The following DENND5B variants were observed in gnomAD, a reference collection of about 807,000 sequenced individuals.
The protein encoded by DENND5B is DENN domain containing 5B, also known as DENN domain-containing protein 5B.
In DENND5B, 34 loss-of-function variants were observed where a neutral mutation model predicts 140.6. The ratio of observed to expected loss-of-function variants is 0.24; its 90% CI spans 0.18 to 0.32. DENND5B has a LOEUF of 0.32. Among genes scored for constraint, DENND5B ranks in the 10% least tolerant of loss-of-function variants. The pLI, the probability that DENND5B is intolerant of heterozygous loss-of-function variation, is 1.00. For synonymous variants in DENND5B, 551 were observed against 562.1 expected, an observed-to-expected ratio of 0.98 and a Z score of 0.28; for missense variants, 1,142 against 1,560.2, an observed-to-expected ratio of 0.73 and a Z score of 4.52.
rs998118129 is a variant in DENND5B, at chr12:31,529,753, C to A, written c.128-33834G>T. Among the ~76,000 whole-genome samples the A allele has an allele frequency of 9.4e-4, 141 of 150,790 alleles. 1 individual carries two copies. Among genetic ancestry groups the A allele is most frequent in the South Asian group, 4.6e-3 (22 of 4,742 alleles). On this transcript the variant is annotated intron_variant, in intron 1 of 20. Transcript: ENST00000389082. Reference sequence around the variant, plus strand: ...AAATAATTTTTTTTAAAAAAGAAAACATCCTTTAAAAAATGCCCAACACAA... The same window carrying A: ...AAATAATTTTTTTTAAAAAAGAAAAAATCCTTTAAAAAATGCCCAACACAA...
At chr12:31,391,423 C>T (rs773626773) in intron 19 of DENND5B, among the ~76,000 whole-genome samples, 1 of 152,192 alleles carries the variant, frequency 6.6e-6, no homozygotes, top group Non-Finnish European at 1.5e-5. Context: ...CTATTTCTTT[C>T]CAGATCAATG....
intron 4 of DENND5B, among the ~76,000 whole-genome samples, chr12:31,457,198 GA>G (rs1263677679): frequency 3.9e-5 from 6 of 152,214 alleles, no homozygotes; most frequent in Non-Finnish European, 8.8e-5. Flanking sequence ...CTGTGAAGAT[GA>G]GTAAGAACAG....
At chr12:31,558,439 T>C (rs911541537) in intron 1 of DENND5B, among the ~76,000 whole-genome samples, 1 of 152,194 alleles carries the variant, frequency 6.6e-6, no homozygotes, top group Non-Finnish European at 1.5e-5. Flanking sequence ...TACAGAAACA[T>C]GTAGACCTCC....
At position 31,495,897 on chromosome 12, in the gene DENND5B, A is replaced by C; in HGVS notation, c.150T>G (p.Pro50=). 1.9e-6 allele frequency: 3 copies of C among 1,610,568 alleles called. No homozygotes were observed. Among genetic ancestry groups the C allele is most frequent in the African/African-American group, 2.7e-5 (2 of 75,020 alleles). The change falls in exon 2 of 21, where the codon CCT becomes CCG. Residue 50 remains proline, a synonymous_variant. Transcript: ENST00000389082. ...CTTTGGATTTGAATGTTCTTCTCAA[A>C]GGACTCTGGTCAAAATTTTCGCCTA... ...ELAGENFDQS[P]LRRTFKSKVL...
intron 5 of DENND5B, among the ~76,000 whole-genome samples, chr12:31,448,868 C>A (rs1275526323): frequency 1.4e-5 from 2 of 147,842 alleles, no homozygotes; most frequent in Non-Finnish European, 3.0e-5. Context: ...CAAACAAAAA[C>A]AAATCATTGC....
intron 2 of DENND5B, among the ~76,000 whole-genome samples, chr12:31,494,176 CTATCT>C (rs1565635266): frequency 1.7e-4 from 11 of 65,050 alleles, no homozygotes; most frequent in Admixed American, 6.5e-4. Context: ...ATCTATCTAT[CTATCT>C]ATCCATCCAT....
At chr12:31,517,275 A>T (rs1184463118) in intron 1 of DENND5B, among the ~76,000 whole-genome samples, 1 of 152,150 alleles carries the variant, frequency 6.6e-6, no homozygotes, top group African/African-American at 2.4e-5. Flanking sequence ...TACCCACTTG[A>T]TTATCTAATA....
intron 1 of DENND5B, among the ~76,000 whole-genome samples, chr12:31,543,765 A>C (rs181126055): frequency 6.6e-6 from 1 of 152,354 alleles, no homozygotes; most frequent in Non-Finnish European, 1.5e-5. Flanking sequence ...TGGTTTTTGA[A>C]AAATAATCTA....
intron 1 of DENND5B, among the ~76,000 whole-genome samples, chr12:31,562,199 G>A (rs1322045120): frequency 6.6e-6 from 1 of 152,076 alleles, no homozygotes. Context: ...TATCTGGCCA[G>A]CCCTACCTCA....
chr12:31,455,251 T>C (rs974648250), intron 4 of DENND5B, among the ~76,000 whole-genome samples: 24 of 152,148 alleles, frequency 1.6e-4, no homozygotes, highest in African/African-American at 5.3e-4. Context: ...TTTCTATCCC[T>C]CTCCTCCTCC....
intron 8 of DENND5B, among the ~76,000 whole-genome samples, chr12:31,430,523 A>AAT (rs1943464564): frequency 3.2e-5 from 4 of 126,558 alleles, no homozygotes; most frequent in African/African-American, 1.1e-4. Flanking sequence ...AAAAAAAAAA[A>AAT]ATTAGGTGGG....
rs553458567 is a variant in DENND5B at position 31,562,169 on chromosome 12, C to T, written c.127+28537G>A. Among the ~76,000 whole-genome samples, 4 of 152,208 alleles carry T rather than the reference C, an allele frequency of 2.6e-5. No homozygotes were observed. In the South Asian group the frequency reaches 8.3e-4, roughly 32 times the overall value. On this transcript the variant is annotated intron_variant, in intron 1 of 20. Coordinates refer to ENST00000389082, the MANE Select transcript of DENND5B (RefSeq NM_144973.4). ...CAAGTCTAGAAGTCAGAAAGACATG[C>T]TTAGAAATCATATTAATACTATCTG...
intron 3 of DENND5B, among the ~76,000 whole-genome samples, chr12:31,470,044 G>A (rs1945471987): frequency 1.3e-5 from 2 of 151,406 alleles, no homozygotes; most frequent in East Asian, 3.9e-4. Flanking sequence ...TAACTCCTGG[G>A]CTCAGGTGAT....
At chr12:31,485,146 C>T (rs183362034) in intron 2 of DENND5B, among the ~76,000 whole-genome samples, 1 of 152,308 alleles carries the variant, frequency 6.6e-6, no homozygotes, top group East Asian at 1.9e-4. Flanking sequence ...ACTGCAAAGC[C>T]TGCAGCGGGC....
chr12:31,574,318 C>T (rs1949935226), intron 1 of DENND5B, among the ~76,000 whole-genome samples: 1 of 110,624 alleles, frequency 9.0e-6, no homozygotes, highest in African/African-American at 3.3e-5. Context: ...GGTGGCCAGG[C>T]GCGGTGGCTC....
At chr12:31,582,982 A>G (rs1434561888) in intron 1 of DENND5B, among the ~76,000 whole-genome samples, 1 of 152,198 alleles carries the variant, frequency 6.6e-6, no homozygotes, top group East Asian at 1.9e-4. Flanking sequence ...CTCTAGACTC[A>G]GTTTCCTCCT....
intron 1 of DENND5B, chr12:31,499,664 G>T: frequency 6.7e-7 from 1 of 1,490,206 alleles, no homozygotes; most frequent in South Asian, 1.3e-5. Flanking sequence ...CTAGCCATTG[G>T]TACAAAACTA....
intron 1 of DENND5B, among the ~76,000 whole-genome samples, chr12:31,580,953 T>A (rs1950192444): frequency 6.6e-6 from 1 of 151,828 alleles, no homozygotes. Flanking sequence ...AAAATTTTTT[T>A]AATCAGTCAG....
chr12:31,466,901 A>T (rs566240739), intron 3 of DENND5B, among the ~76,000 whole-genome samples: 12 of 152,266 alleles, frequency 7.9e-5, no homozygotes, highest in Non-Finnish European at 1.3e-4. Context: ...AATATCACAC[A>T]CCAAAGACAG....
Sources: gnomAD v4.1 joint callset for allele counts (sites outside exome capture counted in the v4.1 genomes callset) on GRCh38, gnomAD v4.1.1 for gene constraint, MANE v1.5 for transcripts, NCBI Gene and HGNC (gene_info 2026-07-23, HGNC 2026-07-21) for gene names.